The following C2orf76 variants were observed in gnomAD, a reference collection of about 807,000 sequenced individuals.
The protein encoded by C2orf76 is chromosome 2 open reading frame 76, also known as UPF0538 protein C2orf76.
In C2orf76, 23 loss-of-function variants were observed where a neutral mutation model predicts 16.9. That is an observed-to-expected ratio of 1.36 (90% CI 0.98 to 1.93). The LOEUF (loss-of-function observed/expected upper bound fraction) is 1.93, where lower values mean the gene tolerates loss of function less well. Ranked by LOEUF, C2orf76 falls within the 30% of genes most tolerant of loss-of-function variation. The pLI, the probability that C2orf76 is intolerant of heterozygous loss-of-function variation, is 0.00. For missense variants in C2orf76, 152 were observed against 152.6 expected (o/e 1.00, Z 0.02); for synonymous variants, 48 against 52.3 (o/e 0.92, Z 0.35).
At chr2:119,352,230 TA>T (rs1380007353) in intron 1 of C2orf76, among the ~76,000 whole-genome samples, 1 of 152,198 alleles carries the variant, frequency 6.6e-6, no homozygotes, top group Non-Finnish European at 1.5e-5. Flanking sequence ...AAAACCAAAA[TA>T]TTTTATAAAG....
At chr2:119,316,073 A>T (rs1482257634) in intron 4 of C2orf76, among the ~76,000 whole-genome samples, 1 of 152,224 alleles carries the variant, frequency 6.6e-6, no homozygotes, top group Non-Finnish European at 1.5e-5. Flanking sequence ...CTTTTTGAAG[A>T]GCGTATTGTT....
At chr2:119,332,987 C>A (rs1679724062) in intron 2 of C2orf76, among the ~76,000 whole-genome samples, 1 of 152,202 alleles carries the variant, frequency 6.6e-6, no homozygotes, top group African/African-American at 2.4e-5. Context: ...CCCGCTTTGG[C>A]CTCCCAAAGT....
chr2:119,311,342 C>T, intron 5 of C2orf76: 15 of 985,358 alleles, frequency 1.5e-5, no homozygotes, highest in Non-Finnish European at 1.8e-5. Context: ...GTGGTACTTA[C>T]AACCCGTCAC....
At chr2:119,300,326 A>G (rs1316138501), downstream of C2orf76, among the ~76,000 whole-genome samples, 1 of 152,166 alleles carries the variant, frequency 6.6e-6, no homozygotes, top group Non-Finnish European at 1.5e-5. Flanking sequence ...CAGGCCTTCC[A>G]AACTTCACCT....
At chr2:119,309,787 T>G (rs1213281158) in intron 5 of C2orf76, among the ~76,000 whole-genome samples, 1 of 152,246 alleles carries the variant, frequency 6.6e-6, no homozygotes, top group Non-Finnish European at 1.5e-5. Context: ...TGTTTCTCCT[T>G]TAACTGTGTT....
At chr2:119,282,361 T>C in the C2orf76 span, among the ~76,000 whole-genome samples, 7 of 152,338 alleles carry the variant, frequency 4.6e-5, no homozygotes, top group African/African-American at 1.7e-4. Flanking sequence ...AGGGTGGGAC[T>C]GTCACTCACC....
the C2orf76 span, among the ~76,000 whole-genome samples, chr2:119,288,763 A>C: frequency 6.6e-6 from 1 of 151,980 alleles, no homozygotes. Context: ...CTCAGGCCAG[A>C]GACTGGAGAG....
chr2:119,353,711 C>T (rs7598408), intron 1 of C2orf76, among the ~76,000 whole-genome samples: 41,927 of 151,736 alleles, frequency 0.28, 5,948 homozygotes, highest in East Asian at 0.31. Flanking sequence ...TACGGGCACA[C>T]GCTGCCACGC....
Position 119,366,824 on chromosome 2 carries a change from T to G in C2orf76, c.-47A>C. The G allele has an allele frequency of 1.7e-6, 1 of 591,832 alleles. No individual in the cohort carries two copies. The highest frequency in any genetic ancestry group is 3.0e-6 in the Non-Finnish European group (1 of 335,792). The allele number at this position is 591,832 out of a possible 1,614,324, so 36.7% of individuals were successfully genotyped here. ...GCGTCCCCTTCGGCTACTCCCGGCGTTTGCGCAAGCGGTCCCACGTGGGCT... is the reference window on the plus strand; with the variant it reads ...GCGTCCCCTTCGGCTACTCCCGGCGGTTGCGCAAGCGGTCCCACGTGGGCT... On this transcript the variant is annotated 5_prime_UTR_variant, in exon 1 of 6. Transcript: ENST00000334816.
At chr2:119,296,454 T>C in the C2orf76 span, among the ~76,000 whole-genome samples, 2 of 152,174 alleles carry the variant, frequency 1.3e-5, no homozygotes, top group African/African-American at 4.8e-5. Flanking sequence ...ACAAGATTGC[T>C]GGACAACTTC....
At chr2:119,315,205 C>T (rs1395407458) in intron 4 of C2orf76, among the ~76,000 whole-genome samples, 1 of 152,094 alleles carries the variant, frequency 6.6e-6, no homozygotes, top group Non-Finnish European at 1.5e-5. Context: ...CACACACACA[C>T]ACACAGAGGA....
chr2:119,297,044 T>C, the C2orf76 span, among the ~76,000 whole-genome samples: 2 of 152,222 alleles, frequency 1.3e-5, no homozygotes, highest in African/African-American at 4.8e-5. Flanking sequence ...CAAAATGAAG[T>C]TGCTGCTGCT....
chr2:119,350,976 C>T (rs1016016854), intron 1 of C2orf76, among the ~76,000 whole-genome samples: 1 of 151,970 alleles, frequency 6.6e-6, no homozygotes, highest in Non-Finnish European at 1.5e-5. Context: ...TCTCTGTCAG[C>T]TCAAAAAAAA....
the C2orf76 span, among the ~76,000 whole-genome samples, chr2:119,283,376 C>T: frequency 6.6e-6 from 1 of 152,234 alleles, no homozygotes; most frequent in African/African-American, 2.4e-5. Flanking sequence ...GGTGCCAGCT[C>T]TGCCCTTCCT....
intron 2 of C2orf76, among the ~76,000 whole-genome samples, chr2:119,333,677 C>T (rs979158971): frequency 1.3e-5 from 2 of 152,246 alleles, no homozygotes; most frequent in Non-Finnish European, 2.9e-5. Flanking sequence ...AAAAGTGGTA[C>T]ATATATGGTC....
the C2orf76 span, among the ~76,000 whole-genome samples, chr2:119,283,304 C>A: frequency 2.6e-4 from 40 of 152,256 alleles, no homozygotes; most frequent in South Asian, 8.3e-3. Context: ...GCTTCCAGTC[C>A]GCCTCTCAGT....
At chr2:119,294,063 T>C in the C2orf76 span, among the ~76,000 whole-genome samples, 2 of 152,184 alleles carry the variant, frequency 1.3e-5, no homozygotes, top group African/African-American at 4.8e-5. Context: ...CATGAGGTCA[T>C]CTAGGGAGAA....
At chr2:119,315,614 T>C (rs903168312) in intron 4 of C2orf76, among the ~76,000 whole-genome samples, 1 of 152,222 alleles carries the variant, frequency 6.6e-6, no homozygotes, top group Non-Finnish European at 1.5e-5. Flanking sequence ...TATTGAACTC[T>C]TCCCTTAGAA....
At chr2:119,345,405 A>T (rs1680166170) in intron 1 of C2orf76, among the ~76,000 whole-genome samples, 7 of 152,240 alleles carry the variant, frequency 4.6e-5, no homozygotes, top group Admixed American at 4.6e-4. Context: ...ACTGGCAAGA[A>T]CATAAAATGA....
Sources: allele counts gnomAD v4.1 joint callset (sites outside exome capture counted in the v4.1 genomes callset), GRCh38; gene constraint gnomAD v4.1.1; transcripts MANE v1.5; gene names NCBI Gene and HGNC (gene_info 2026-07-23, HGNC 2026-07-21).